The following SOX5 variants were observed in gnomAD, a reference collection of about 807,000 sequenced individuals.
SOX5 encodes the protein transcription factor SOX-5.
Under a neutral mutation model 92.0 loss-of-function variants are expected in SOX5, and 9 were observed. The observed-to-expected ratio is 0.10, with a 90% CI of 0.06 to 0.17. The LOEUF is 0.17. Ranked by LOEUF, SOX5 falls within the 10% of genes least tolerant of loss-of-function variation. The probability of loss-of-function intolerance (pLI) is 1.00; values close to 1 mark genes in which losing one functional copy is unlikely to be tolerated. For missense variants in SOX5, 642 were observed against 944.5 expected, an observed-to-expected ratio of 0.68 and a Z score of 4.20; for synonymous variants, 344 against 336.3, an observed-to-expected ratio of 1.02 and a Z score of -0.25.
rs575253586 is a variant in SOX5, at chr12:24,393,796, TAAG to T, written c.-250-25160_-250-25158del. ...CCATCTTCAAAGAAGTGGGGAAATT[TAAG>T]ACTACATATTACATATGCAATACAA... is the stretch of plus-strand genomic sequence containing the variant. On this transcript the variant is annotated intron_variant, in intron 1 of 4. Coordinates refer to the SOX5 transcript ENST00000446891. The surrounding 1 kb of genome is among the most constrained non-coding windows in gnomAD (Gnocchi z 5.0). Among the ~76,000 whole-genome samples, 279 of 152,344 alleles carry T rather than the reference TAAG, an allele frequency of 1.8e-3. 1 individual carries two copies. Among genetic ancestry groups the T allele is most frequent in the Non-Finnish European group, 3.5e-3 (237 of 68,038 alleles).
At chr12:24,022,429 C>A (rs1437470446) in intron 4 of SOX5, among the ~76,000 whole-genome samples, 1 of 152,116 alleles carries the variant, frequency 6.6e-6, no homozygotes, top group Non-Finnish European at 1.5e-5. Flanking sequence ...AAAAAGCAGC[C>A]TTGTAGGCCA....
intron 4 of SOX5, among the ~76,000 whole-genome samples, chr12:24,058,951 A>T (rs527258988): frequency 6.6e-6 from 1 of 152,272 alleles, no homozygotes; most frequent in South Asian, 2.1e-4. Flanking sequence ...ATGAAAAGAT[A>T]TCTCAAATAT....
chr12:24,134,154 GACAA>G (rs1222779167), intron 4 of SOX5, among the ~76,000 whole-genome samples: 21 of 151,948 alleles, frequency 1.4e-4, no homozygotes, highest in South Asian at 8.3e-4. Context: ...TTTAAATTGA[GACAA>G]ACAATATATG....
At chr12:23,977,663 C>CAA (rs11287193) in intron 4 of SOX5, among the ~76,000 whole-genome samples, 31,066 of 129,178 alleles carry the variant, frequency 0.24, 3,852 homozygotes, top group African/African-American at 0.35. Flanking sequence ...CGTTCTGTCT[C>CAA]AAAAAAAAAA....
chr12:24,310,643 G>T (rs1423423795), intron 2 of SOX5, among the ~76,000 whole-genome samples: 1 of 151,960 alleles, frequency 6.6e-6, no homozygotes, highest in South Asian at 2.1e-4. Flanking sequence ...GGAAAAACAA[G>T]AAAAAATAAT....
intron 2 of SOX5, among the ~76,000 whole-genome samples, chr12:24,291,921 G>A (rs955396242): frequency 2.6e-5 from 4 of 152,212 alleles, no homozygotes; most frequent in African/African-American, 9.7e-5. Context: ...CGTGGTCTCT[G>A]CTCTGTAGCT....
At chr12:24,062,672 T>C (rs1358713991) in intron 4 of SOX5, among the ~76,000 whole-genome samples, 2 of 152,202 alleles carry the variant, frequency 1.3e-5, no homozygotes, top group African/African-American at 4.8e-5. Context: ...CACAGAAAAT[T>C]CTGCTTATAT....
intron 4 of SOX5, among the ~76,000 whole-genome samples, chr12:23,983,371 C>T (rs1474502944): frequency 6.6e-6 from 1 of 152,036 alleles, no homozygotes; most frequent in Non-Finnish European, 1.5e-5. Flanking sequence ...GAATTTTCAC[C>T]AAAGCATCAA....
intron 2 of SOX5, among the ~76,000 whole-genome samples, chr12:23,890,997 G>C (rs1438640180): frequency 3.9e-5 from 6 of 152,266 alleles, no homozygotes; most frequent in African/African-American, 1.4e-4. Flanking sequence ...GATTATGAAA[G>C]CTTCAGAGAA....
chr12:24,488,975 T>C (rs1214381877), intron 1 of SOX5, among the ~76,000 whole-genome samples: 1 of 152,190 alleles, frequency 6.6e-6, no homozygotes, highest in Non-Finnish European at 1.5e-5. Flanking sequence ...CAGAAAACTA[T>C]ATTTATTGTG....
At chr12:23,577,127 G>T (rs1453055250) in intron 9 of SOX5, among the ~76,000 whole-genome samples, 1 of 137,172 alleles carries the variant, frequency 7.3e-6, no homozygotes, top group South Asian at 2.3e-4. Context: ...ATATGACATC[G>T]ATATCAAGTT....
At chr12:23,582,092 ATCGTAT>A in intron 9 of SOX5, 1 of 924,946 alleles carries the variant, frequency 1.1e-6, no homozygotes, top group Non-Finnish European at 1.3e-6. Context: ...TGATGAAATG[ATCGTAT>A]TAACCTAAGT....
At chr12:23,595,878 T>A (rs1952327847) in intron 9 of SOX5, among the ~76,000 whole-genome samples, 2 of 152,138 alleles carry the variant, frequency 1.3e-5, no homozygotes, top group Non-Finnish European at 2.9e-5. Flanking sequence ...CTAAGCAATA[T>A]ATCCTTGTAA....
intron 2 of SOX5, among the ~76,000 whole-genome samples, chr12:24,282,532 A>T (rs111797031): frequency 1.5e-3 from 2 of 1,358 alleles, no homozygotes; most frequent in Non-Finnish European, 0.12. Context: ...AACTAGAAAC[A>T]AAAAAAAAAA....
At chr12:23,896,300 A>G (rs1256553447) in intron 1 of SOX5, among the ~76,000 whole-genome samples, 2 of 152,220 alleles carry the variant, frequency 1.3e-5, no homozygotes, top group Non-Finnish European at 2.9e-5. Context: ...AGAACACTGC[A>G]TAATGAAAGA....
At chr12:24,224,701 C>T (rs924506767) in intron 3 of SOX5, among the ~76,000 whole-genome samples, 1 of 152,068 alleles carries the variant, frequency 6.6e-6, no homozygotes, top group African/African-American at 2.4e-5. Flanking sequence ...CAGATCTTGC[C>T]TTCTTTGGCT....
At chr12:24,082,204 T>C (rs1416181768) in intron 4 of SOX5, among the ~76,000 whole-genome samples, 1 of 151,544 alleles carries the variant, frequency 6.6e-6, no homozygotes, top group East Asian at 1.9e-4. Context: ...CAGAGACAAA[T>C]GATGGGACTG....
chr12:23,873,392 G>C (rs532026471), intron 2 of SOX5, among the ~76,000 whole-genome samples: 1 of 152,258 alleles, frequency 6.6e-6, no homozygotes, highest in East Asian at 1.9e-4. Flanking sequence ...AGAATCATCT[G>C]ATCCCAGGAG....
intron 2 of SOX5, among the ~76,000 whole-genome samples, chr12:23,881,726 T>G (rs1025839006): frequency 6.6e-6 from 1 of 152,188 alleles, no homozygotes; most frequent in Admixed American, 6.6e-5. Context: ...AATCTAGTAA[T>G]AAAACAATAA....
Sources: allele counts gnomAD v4.1 joint callset (sites outside exome capture counted in the v4.1 genomes callset), GRCh38; gene constraint gnomAD v4.1.1; non-coding constraint Gnocchi (gnomAD v3.1); transcripts MANE v1.5; gene names NCBI Gene and HGNC (gene_info 2026-07-23, HGNC 2026-07-21).